CFAP44: variants seen among roughly 807,000 people sequenced by gnomAD.
The protein encoded by CFAP44 is cilia and flagella associated protein 44.
In CFAP44, 134 loss-of-function variants were observed where a neutral mutation model predicts 216.2. That is an observed-to-expected ratio of 0.62 (90% CI 0.54 to 0.72). CFAP44 has a LOEUF of 0.72. Among genes scored for constraint, CFAP44 ranks in the 30% least tolerant of loss-of-function variants. The pLI is 0.00. For synonymous variants in CFAP44, 700 were observed against 727.6 expected (o/e 0.96, Z 0.61); for missense variants, 2,035 against 2,182.1 (o/e 0.93, Z 1.34).
chr3:113,395,357 T>C (rs1011533759), intron 15 of CFAP44, among the ~76,000 whole-genome samples: 4 of 152,184 alleles, frequency 2.6e-5, no homozygotes, highest in African/African-American at 9.7e-5. Context: ...GAGATAAAGA[T>C]GAGGAAAAGT....
chr3:113,386,999 G>A (rs115243117), intron 15 of CFAP44, among the ~76,000 whole-genome samples: 87 of 152,286 alleles, frequency 5.7e-4, no homozygotes, highest in African/African-American at 1.6e-3. Context: ...AGACCAGCCC[G>A]AGTCAGAGGG....
At chr3:113,365,460 T>C (rs901216103) in intron 19 of CFAP44, among the ~76,000 whole-genome samples, 8 of 152,148 alleles carry the variant, frequency 5.3e-5, no homozygotes, top group African/African-American at 1.7e-4. Flanking sequence ...TGCTTGATAA[T>C]ATGAAATTCA....
intron 24 of CFAP44, among the ~76,000 whole-genome samples, chr3:113,335,229 G>A (rs896883013): frequency 6.6e-6 from 1 of 152,136 alleles, no homozygotes; most frequent in Non-Finnish European, 1.5e-5. Context: ...AAAATAAGCA[G>A]CATAAAACTG....
At position 113,341,754 on chromosome 3, in the gene CFAP44, A is replaced by T. The variant is rs1258532601; in HGVS notation, c.3427T>A (p.Trp1143Arg). 4.7e-6 allele frequency: 7 copies of T among 1,485,798 alleles called. No homozygotes were observed. The highest frequency in any genetic ancestry group is 1.7e-4 in the Middle Eastern group (1 of 5,750). 92.0% of individuals were successfully genotyped at this position (1,485,798 alleles called of 1,614,324 possible). The change falls in exon 24 of 35, where the codon TGG (tryptophan) becomes AGG (arginine). Residue 1143 changes from tryptophan to arginine, a missense_variant. Trp to Arg is a moderately radical substitution (Grantham distance 101, BLOSUM62 -3). This residue lies in a region of CFAP44 where 1,883 missense variants were observed against 2,023.7 expected (regional missense o/e 0.93). Transcript: ENST00000393845. ...TAAAAAAAAACTCACAGTTCCTCCC[A>T]TTCTTTTTTTCGCTGTTGAATCTTT... ...QLKIQQRKKE[W>R]EELYKSKPGD...
At chr3:113,308,295 C>T in intron 28 of CFAP44, 27 bp from the exon 29 acceptor site, 1 of 1,480,044 alleles carries the variant, frequency 6.8e-7, no homozygotes, top group Non-Finnish European at 9.0e-7. Flanking sequence ...GCATTGTTAA[C>T]AAAGAAGCTT....
chr3:113,296,911 G>T (rs1162254614), intron 32 of CFAP44, 26 bp from the exon 33 acceptor site: 1 of 1,537,144 alleles, frequency 6.5e-7, no homozygotes, highest in Non-Finnish European at 8.7e-7. Context: ...CACTGGCTCA[G>T]GTTGTTCAAT....
At chr3:113,412,127 C>T (rs926827604) in intron 6 of CFAP44, among the ~76,000 whole-genome samples, 5 of 152,180 alleles carry the variant, frequency 3.3e-5, no homozygotes. Context: ...CCTCTCTCAC[C>T]ACTCCTATTC....
intron 29 of CFAP44, 81 bp from the exon 30 acceptor site, chr3:113,306,412 A>G: frequency 6.8e-7 from 1 of 1,478,466 alleles, no homozygotes; most frequent in Non-Finnish European, 9.0e-7. Context: ...TTGGAGATTC[A>G]GAATCAATAA....
At chr3:113,402,529 A>G (rs528760500) in intron 9 of CFAP44, among the ~76,000 whole-genome samples, 9 of 152,330 alleles carry the variant, frequency 5.9e-5, no homozygotes, top group African/African-American at 2.2e-4. Flanking sequence ...ATGTGATCCT[A>G]GACTGAATAA....
At chr3:113,316,925 A>G (rs1010610607) in intron 28 of CFAP44, among the ~76,000 whole-genome samples, 1 of 152,018 alleles carries the variant, frequency 6.6e-6, no homozygotes, top group African/African-American at 2.4e-5. Context: ...AGAAACAGCC[A>G]GGAAGTGCCA....
In CFAP44 at chr3:113,366,104, C is replaced by T. The variant is rs1166900031; in HGVS notation, c.2650G>A (p.Val884Ile). 1 of 1,613,512 alleles carries T rather than the reference C, an allele frequency of 6.2e-7. No homozygotes were observed. Among genetic ancestry groups the T allele is most frequent in the South Asian group, 1.1e-5 (1 of 91,020 alleles). ...ATAAATTCAGAAAAAATGTTGAAAACAAAGATATTGCCATCTGCTCCAGCA... is the reference window on the plus strand; with the variant it reads ...ATAAATTCAGAAAAAATGTTGAAAATAAAGATATTGCCATCTGCTCCAGCA... ...VTAGADGNIF[V>I]FNIFSEFMLR... The change falls in exon 19 of 35, where the codon GTT becomes ATT. Residue 884 changes from valine (V) to isoleucine (I), a missense_variant. Coordinates refer to ENST00000393845, the MANE Select transcript of CFAP44 (RefSeq NM_001164496.2).
At chr3:113,425,968 A>G (rs1304969895) in intron 4 of CFAP44, 156 bp downstream of exon 4, 1 of 865,690 alleles carries the variant, frequency 1.2e-6, no homozygotes, top group East Asian at 2.6e-5. Context: ...CATAATAAAC[A>G]AAATGTAAGC....
In CFAP44 at chr3:113,421,370, G is replaced by T. The variant is rs143205209; in HGVS notation, c.408-1191C>A. On this transcript the variant is annotated intron_variant, in intron 4 of 34. Coordinates refer to ENST00000393845, the MANE Select transcript of CFAP44 (RefSeq NM_001164496.2). ...TGTTGGTGAGGCTACAGACAAAAGC[G>T]AATGCTTATATACTATCAGTGAGAA... Among the ~76,000 whole-genome samples, 175 of 152,292 alleles carry T rather than the reference G, an allele frequency of 1.1e-3. 1 individual carries two copies. Among genetic ancestry groups the T allele is most frequent in the African/African-American group, 3.2e-3 (132 of 41,578 alleles).
intron 17 of CFAP44, among the ~76,000 whole-genome samples, chr3:113,374,352 C>T (rs568164223): frequency 5.7e-5 from 8 of 141,322 alleles, no homozygotes; most frequent in Non-Finnish European, 1.2e-4. Flanking sequence ...CCTGGAGCAA[C>T]TGTCAATTTC....
At chr3:113,301,394 A>G (rs6783479) in intron 32 of CFAP44, among the ~76,000 whole-genome samples, 43,239 of 151,952 alleles carry the variant, frequency 0.28, 6,922 homozygotes, top group African/African-American at 0.43. Context: ...GGGATGGAAA[A>G]AATGCACACA....
intron 22 of CFAP44, 147 bp from the exon 23 acceptor site, chr3:113,344,859 A>G (rs17322047): frequency 0.014 from 9,416 of 684,926 alleles, 80 homozygotes; most frequent in Non-Finnish European, 0.017. Context: ...TATACCAACC[A>G]GGATGTCATG....
chr3:113,355,035 CAA>C (rs1468851397), intron 22 of CFAP44, among the ~76,000 whole-genome samples: 26 of 152,274 alleles, frequency 1.7e-4, no homozygotes, highest in African/African-American at 6.3e-4. Flanking sequence ...TCCCCAGTAC[CAA>C]CCTGGAGCCC....
rs150253449 is a variant in CFAP44, at chr3:113,381,182, C to T, written c.1891-122G>A. On this transcript the variant is annotated intron_variant, in intron 15 of 34. Coordinates refer to ENST00000393845, the MANE Select transcript of CFAP44 (RefSeq NM_001164496.2). ...AGCCATGTTTAAAACACACTTAATTCCTCACTGCAGTTATTGGTAAAAAGT... is the reference window on the plus strand; with the variant it reads ...AGCCATGTTTAAAACACACTTAATTTCTCACTGCAGTTATTGGTAAAAAGT... 3.7e-4 allele frequency: 220 copies of T among 595,858 alleles called. No homozygotes were observed. The Middle Eastern group carries it at 3.9e-3, about 11-fold the overall frequency. 36.9% of individuals were successfully genotyped at this position (595,858 alleles called of 1,614,324 possible).
At chr3:113,378,064 T>C (rs1211020351) in intron 17 of CFAP44, among the ~76,000 whole-genome samples, 1 of 152,176 alleles carries the variant, frequency 6.6e-6, no homozygotes, top group East Asian at 1.9e-4. Flanking sequence ...TTGTTTGAGA[T>C]GGGATCTCAC....
Sources: allele counts gnomAD v4.1 joint callset (sites outside exome capture counted in the v4.1 genomes callset), GRCh38; gene constraint gnomAD v4.1.1; regional missense constraint gnomAD v4.1.1; transcripts MANE v1.5; gene names NCBI Gene and HGNC (gene_info 2026-07-23, HGNC 2026-07-21).